The following JOSD1 variants were observed in gnomAD, a reference collection of about 807,000 sequenced individuals.
JOSD1 encodes josephin-1.
JOSD1 carries 11 observed loss-of-function variants against 24.3 expected under a neutral mutation model. The observed-to-expected ratio is 0.45, with a 90% CI of 0.29 to 0.75. The LOEUF is 0.75. Ranked by LOEUF, JOSD1 falls within the 30% of genes least tolerant of loss-of-function variation. The probability of loss-of-function intolerance (pLI) is 0.11; values close to 1 mark genes in which losing one functional copy is unlikely to be tolerated. For missense variants in JOSD1, 184 were observed against 253.5 expected (o/e 0.73, Z 1.86); for synonymous variants, 106 against 93.8 (o/e 1.13, Z -0.75).
Position 38,700,360 on chromosome 22 carries a change from CAGG to C in JOSD1, c.-376_-374del, listed in dbSNP as rs1245363963. 1.0e-6 allele frequency: 1 copy of C among 1,000,728 alleles called. No homozygotes were observed. The highest frequency in any genetic ancestry group is 1.8e-5 in the African/African-American group (1 of 56,410). 62.0% of individuals were successfully genotyped at this position (1,000,728 alleles called of 1,614,324 possible). A position where few individuals can be genotyped will look rare whatever the true frequency, so the allele number is the denominator to read the frequency against. ...CCTCTGCAAATGCCAGGCCTCAAAG[CAGG>C]AGGACCGAACACAATCGGTCACATC... On this transcript the variant is annotated 5_prime_UTR_variant, in exon 2 of 5. Coordinates refer to ENST00000683374, the MANE Select transcript of JOSD1 (RefSeq NM_001360236.2).
intron 2 of JOSD1, 77 bp from the exon 3 acceptor site, chr22:38,689,501 A>G: frequency 6.4e-7 from 1 of 1,570,316 alleles, no homozygotes; most frequent in Non-Finnish European, 8.7e-7. Flanking sequence ...AGGGATGGAG[A>G]GCACTTTACA....
At chr22:38,690,201 G>A (rs1440842276) in intron 2 of JOSD1, among the ~76,000 whole-genome samples, 2 of 152,110 alleles carry the variant, frequency 1.3e-5, no homozygotes, top group Non-Finnish European at 2.9e-5. Context: ...GGTTCAAGGG[G>A]CATACCTTTG....
intron 3 of JOSD1, 38 bp downstream of exon 3, chr22:38,689,258 G>A (rs550102260): frequency 4.0e-5 from 64 of 1,613,768 alleles, no homozygotes; most frequent in South Asian, 6.6e-5. Flanking sequence ...TACCACAACC[G>A]TGCTGTTCTC....
rs1251378309 is a variant in JOSD1 at position 38,687,515 on chromosome 22, G to C, written c.*387C>G. On this transcript the variant is annotated 3_prime_UTR_variant, in exon 5 of 5. Coordinates refer to ENST00000683374, the MANE Select transcript of JOSD1 (RefSeq NM_001360236.2). The stretch of plus-strand genomic sequence containing the variant: ...TGCAGACCCACTGTTTTCAGACCCA[G>C]ACAGGATGGAAAGTGGAGGCAGCAT... 2.0e-5 allele frequency: 4 copies of C among 201,484 alleles called. No homozygotes were observed. The highest frequency in any genetic ancestry group is 9.4e-5 in the African/African-American group (4 of 42,776). The allele number at this position is 201,484 out of a possible 1,614,324, so 12.5% of individuals were successfully genotyped here.
At position 38,699,932 on chromosome 22, in the gene JOSD1, G is replaced by T. The variant is rs767690655; in HGVS notation, c.56C>A (p.Pro19His). The T allele has an allele frequency of 3.1e-6, 5 of 1,613,650 alleles. No individual in the cohort carries two copies. The highest frequency in any genetic ancestry group is 1.3e-5 in the African/African-American group (1 of 74,894). The change falls in exon 2 of 5, where the codon CCC becomes CAC. Residue 19 changes from proline to histidine, a missense_variant. Coordinates refer to ENST00000683374, the MANE Select transcript of JOSD1 (RefSeq NM_001360236.2). ...DKAKSESLELPQAAPPQIYHE... is the reference protein window; with the variant it reads ...DKAKSESLELHQAAPPQIYHE... ...GTAGATTTGTGGGGGTGCTGCCTGG[G>T]GCAGCTCCAATGATTCAGATTTGGC...
Position 38,689,334 on chromosome 22 carries a change from C to G in JOSD1, c.276G>C (p.Gln92His), listed in dbSNP as rs2092511970. ...YDVNVIMAAL[Q>H]TKGYEAVWWD... ...ACCAAACAGCTTCATAGCCTTTGGT[C>G]TGAAGTGCTGCCATAATGACATTCA... Residue 92 changes from glutamine to histidine, a missense_variant, in exon 3 of 5, where the codon CAG becomes CAC. Coordinates refer to ENST00000683374, the MANE Select transcript of JOSD1 (RefSeq NM_001360236.2). 6.2e-7 allele frequency: 1 copy of G among 1,614,254 alleles called. No individual in the cohort carries two copies. Among genetic ancestry groups the G allele is most frequent in the Non-Finnish European group, 8.5e-7 (1 of 1,180,048 alleles).
chr22:38,696,240 CCTTTT>C (rs890177395), intron 2 of JOSD1, among the ~76,000 whole-genome samples: 1 of 151,312 alleles, frequency 6.6e-6, no homozygotes, highest in Non-Finnish European at 1.5e-5. Context: ...TTATACCCCC[CCTTTT>C]TTTTTTTGAG....
At position 38,687,921 on chromosome 22, in the gene JOSD1, C is replaced by A; in HGVS notation, c.590G>T (p.Ser197Ile). The A allele has an allele frequency of 6.2e-7, 1 of 1,613,468 alleles. No individual in the cohort carries two copies. Among genetic ancestry groups the A allele is most frequent in the Non-Finnish European group, 8.5e-7 (1 of 1,179,330 alleles). ...VVPEEVEAHQ[S>I]WRTDV ...GAACTGTTACACATCGGTCCTCCAACTCTGATGAGCCTCTACCTCTTCTGG... is the reference window on the plus strand; with the variant it reads ...GAACTGTTACACATCGGTCCTCCAAATCTGATGAGCCTCTACCTCTTCTGG... Residue 197 changes from serine to isoleucine, a missense_variant, in exon 5 of 5, where the codon AGT becomes ATT. Ser to Ile is a moderately radical substitution (Grantham distance 142). Transcript: ENST00000683374.
At chr22:38,689,937 T>A (rs2092514582) in intron 2 of JOSD1, among the ~76,000 whole-genome samples, 1 of 151,682 alleles carries the variant, frequency 6.6e-6, no homozygotes, top group Non-Finnish European at 1.5e-5. Context: ...TGTGTGTGTG[T>A]GTGTGTGTGT....
chr22:38,694,848 C>T (rs560580410), intron 2 of JOSD1, among the ~76,000 whole-genome samples: 72 of 124,818 alleles, frequency 5.8e-4, no homozygotes, highest in African/African-American at 1.2e-3. Context: ...GACAAGAGAG[C>T]GAGAGACTCA....
upstream of JOSD1, chr22:38,701,122 G>A: frequency 2.9e-6 from 1 of 347,910 alleles, no homozygotes; most frequent in Non-Finnish European, 4.0e-6. Context: ...TAGGGGCGCA[G>A]TTCAACGGTT....
chr22:38,700,962 G>A, upstream of JOSD1: 1 of 984,936 alleles, frequency 1.0e-6, no homozygotes, highest in African/African-American at 1.7e-5. Context: ...GCGGGCGCGC[G>A]CACCTGAGCC....
chr22:38,691,514 C>G (rs2092522194), intron 2 of JOSD1, among the ~76,000 whole-genome samples: 1 of 152,202 alleles, frequency 6.6e-6, no homozygotes, highest in Non-Finnish European at 1.5e-5. Flanking sequence ...GATCTCATCT[C>G]TTACCTTTTA....
In JOSD1 at chr22:38,700,911, G is replaced by A. The variant is rs1020725368; in HGVS notation, c.-743C>T. 8.1e-6 allele frequency: 8 copies of A among 984,498 alleles called. No homozygotes were observed. The highest frequency in any genetic ancestry group is 1.1e-4 in the East Asian group (1 of 8,790). The allele number at this position is 984,498 out of a possible 1,614,324, so 61.0% of individuals were successfully genotyped here. On this transcript the variant is annotated 5_prime_UTR_variant, in exon 1 of 5. Coordinates refer to ENST00000683374, the MANE Select transcript of JOSD1 (RefSeq NM_001360236.2). ...CGCTGGCGGTCCCCTCACCGCAGCC[G>A]GCCGCCACCTGGAGTGCGCGCCGCC...
intron 2 of JOSD1, among the ~76,000 whole-genome samples, chr22:38,693,920 G>C (rs1439487306): frequency 1.3e-5 from 2 of 152,172 alleles, no homozygotes; most frequent in Non-Finnish European, 2.9e-5. Flanking sequence ...CTGTTACCTT[G>C]CCTGTAAAAA....
rs779171323 is a variant in JOSD1 at position 38,689,123 on chromosome 22, G to A, written c.321C>T (p.Val107=). ...TGACGTTAGTGAGGGCAATGACACC[G>A]ACATCCCTGCAGGGGAGAAATGGTG... ...EAVWWDKRRD[V]GVIALTNVMG... is the part of the protein sequence containing the mutation. The change falls in exon 4 of 5, where the codon GTC becomes GTT. Residue 107 remains valine (V), a synonymous_variant. Transcript: ENST00000683374. The A allele has an allele frequency of 2.4e-5, 38 of 1,613,026 alleles. No homozygotes were observed. Among genetic ancestry groups the A allele is most frequent in the African/African-American group, 1.1e-4 (8 of 74,906 alleles).
rs1045893229 is a variant in JOSD1 at position 38,700,910 on chromosome 22, C to T, written c.-742G>A. ...CCGCTGGCGGTCCCCTCACCGCAGC[C>T]GGCCGCCACCTGGAGTGCGCGCCGC... On this transcript the variant is annotated 5_prime_UTR_variant, in exon 1 of 5. Coordinates refer to ENST00000683374, the MANE Select transcript of JOSD1 (RefSeq NM_001360236.2). The T allele has an allele frequency of 5.1e-6, 5 of 984,426 alleles. No homozygotes were observed. Among genetic ancestry groups the T allele is most frequent in the Non-Finnish European group, 6.0e-6 (5 of 829,672 alleles). The allele number at this position is 984,426 out of a possible 1,614,324, so 61.0% of individuals were successfully genotyped here. A position where few individuals can be genotyped will look rare whatever the true frequency, so the allele number is the denominator to read the frequency against.
At position 38,686,992 on chromosome 22, in the gene JOSD1, C is replaced by T. The variant is rs1011630973; in HGVS notation, c.*910G>A. The T allele has an allele frequency of 1.3e-5, 2 of 152,212 alleles. No individual in the cohort carries two copies. The highest frequency in any genetic ancestry group is 2.9e-5 in the Non-Finnish European group (2 of 68,048). 9.4% of individuals were successfully genotyped at this position (152,212 alleles called of 1,614,324 possible). Reference sequence around the variant, plus strand: ...TTAGCCACATCCTGTTCAGTATCCTCCTCACTTCATACTAGAATATTAGTT... The same window carrying T: ...TTAGCCACATCCTGTTCAGTATCCTTCTCACTTCATACTAGAATATTAGTT... On this transcript the variant is annotated 3_prime_UTR_variant, in exon 5 of 5. Transcript: ENST00000683374.
rs201167492 is a variant in JOSD1 at position 38,698,868 on chromosome 22, T to C, written c.185+935A>G. Among the ~76,000 whole-genome samples the C allele has an allele frequency of 1.8e-4, 27 of 152,316 alleles. No individual in the cohort carries two copies. The East Asian group carries it at 3.7e-3, about 21-fold the overall frequency. On this transcript the variant is annotated intron_variant, in intron 2 of 4. Transcript: ENST00000683374. ...ACTTCCCAAGTTTATGCGATTCTCC[T>C]GCCTCAGCCTCCCGACTAGCTGGGA...
Sources: allele counts gnomAD v4.1 joint callset (sites outside exome capture counted in the v4.1 genomes callset), GRCh38; gene constraint gnomAD v4.1.1; transcripts MANE v1.5; gene names NCBI Gene and HGNC (gene_info 2026-07-23, HGNC 2026-07-21).